The following FBXL17 variants were observed in gnomAD, a reference collection of about 807,000 sequenced individuals.
FBXL17 encodes F-box/LRR-repeat protein 17.
A neutral mutation model predicts 66.2 loss-of-function variants in FBXL17; 22 were observed. That is an observed-to-expected ratio of 0.33 (90% CI 0.24 to 0.47). FBXL17 has a LOEUF of 0.47. Ranked by LOEUF, FBXL17 falls within the 20% of genes least tolerant of loss-of-function variation. The probability of loss-of-function intolerance (pLI) is 1.00; values close to 1 mark genes in which losing one functional copy is unlikely to be tolerated. For synonymous variants in FBXL17, 474 were observed against 400.5 expected (o/e 1.18, Z -2.19); for missense variants, 878 against 948.2 (o/e 0.93, Z 0.97).
At chr5:108,023,373 T>G (rs1754670630) in intron 6 of FBXL17, among the ~76,000 whole-genome samples, 1 of 152,082 alleles carries the variant, frequency 6.6e-6, no homozygotes, top group Non-Finnish European at 1.5e-5. Context: ...GACACAAAAT[T>G]GAGTGGTTGA....
intron 4 of FBXL17, among the ~76,000 whole-genome samples, chr5:108,312,519 T>C (rs1278824580): frequency 6.6e-6 from 1 of 151,880 alleles, no homozygotes; most frequent in African/African-American, 2.4e-5. Context: ...ACTGCCCAGA[T>C]GCCAAAGTAT....
At chr5:108,001,209 C>T (rs1190869561) in intron 7 of FBXL17, among the ~76,000 whole-genome samples, 1 of 152,046 alleles carries the variant, frequency 6.6e-6, no homozygotes. Context: ...ATATGTAAAA[C>T]ACCTTCAACT....
chr5:108,063,881 T>G (rs965041277), intron 6 of FBXL17, among the ~76,000 whole-genome samples: 1 of 152,172 alleles, frequency 6.6e-6, no homozygotes, highest in Non-Finnish European at 1.5e-5. Flanking sequence ...TGAATAAAAT[T>G]TATCATCTGC....
chr5:108,048,417 GC>G (rs1747341522), intron 6 of FBXL17, among the ~76,000 whole-genome samples: 1 of 152,168 alleles, frequency 6.6e-6, no homozygotes, highest in Non-Finnish European at 1.5e-5. Context: ...TGACTGCAAT[GC>G]CTCTCCAGCA....
intron 6 of FBXL17, among the ~76,000 whole-genome samples, chr5:108,162,351 G>A (rs985992012): frequency 1.3e-5 from 2 of 151,950 alleles, no homozygotes; most frequent in South Asian, 2.1e-4. Context: ...TTAGCTAAGC[G>A]TGGTGGTGGT....
intron 4 of FBXL17, among the ~76,000 whole-genome samples, chr5:108,246,014 G>A (rs930136777): frequency 6.6e-6 from 1 of 152,170 alleles, no homozygotes; most frequent in Non-Finnish European, 1.5e-5. Flanking sequence ...TTGGACCTCA[G>A]TGCCTCACAA....
chr5:108,258,664 C>T (rs543689083), intron 4 of FBXL17, among the ~76,000 whole-genome samples: 14 of 152,086 alleles, frequency 9.2e-5, no homozygotes, highest in Non-Finnish European at 1.5e-4. Flanking sequence ...TAGGTAGATG[C>T]CCACTGGCCA....
intron 7 of FBXL17, among the ~76,000 whole-genome samples, chr5:107,989,695 GT>G (rs969570675): frequency 9.9e-5 from 15 of 151,804 alleles, no homozygotes; most frequent in African/African-American, 3.6e-4. Context: ...TCTACGTTTA[GT>G]TTTTTTTGGG....
At chr5:108,114,150 A>T (rs1423631771) in intron 6 of FBXL17, among the ~76,000 whole-genome samples, 1 of 152,318 alleles carries the variant, frequency 6.6e-6, no homozygotes, top group Admixed American at 6.5e-5. Context: ...TAATAAATAA[A>T]CAAGAAAGTA....
chr5:107,958,009 G>A (rs1006775758), intron 7 of FBXL17, among the ~76,000 whole-genome samples: 2 of 151,802 alleles, frequency 1.3e-5, no homozygotes, highest in Admixed American at 1.3e-4. Flanking sequence ...GTAATACATC[G>A]TTAATTGTTG....
chr5:108,342,618 G>A (rs1027093899), intron 4 of FBXL17, among the ~76,000 whole-genome samples: 1 of 152,162 alleles, frequency 6.6e-6, no homozygotes, highest in East Asian at 1.9e-4. Flanking sequence ...CAAAGGGCTA[G>A]AGAAGAGAAG....
intron 7 of FBXL17, among the ~76,000 whole-genome samples, chr5:108,008,589 T>C (rs999475583): frequency 3.9e-5 from 6 of 152,218 alleles, no homozygotes; most frequent in African/African-American, 1.4e-4. Context: ...AATATAAATG[T>C]GTGTAATAAT....
At chr5:107,877,523 C>A (rs72795954) in intron 8 of FBXL17, among the ~76,000 whole-genome samples, 6,804 of 152,164 alleles carry the variant, frequency 0.045, 227 homozygotes, top group Non-Finnish European at 0.061. Context: ...TAAAGTATAG[C>A]CTCCAAATTA....
chr5:107,946,541 A>C (rs1035376043), intron 7 of FBXL17, among the ~76,000 whole-genome samples: 2 of 150,920 alleles, frequency 1.3e-5, no homozygotes, highest in African/African-American at 4.9e-5. Context: ...TCCTGGCCTC[A>C]AGTGATCCTC....
At chr5:108,291,780 T>C (rs528524989) in intron 4 of FBXL17, among the ~76,000 whole-genome samples, 3 of 152,294 alleles carry the variant, frequency 2.0e-5, no homozygotes, top group South Asian at 2.1e-4. Context: ...TTAATACCTA[T>C]GTCAAGGACT....
chr5:108,141,246 G>T (rs1397276110), intron 6 of FBXL17, among the ~76,000 whole-genome samples: 2 of 152,102 alleles, frequency 1.3e-5, no homozygotes. Flanking sequence ...TTGCATTCAA[G>T]TCTCAGGTCC....
intron 4 of FBXL17, among the ~76,000 whole-genome samples, chr5:108,331,582 A>G (rs1760124713): frequency 6.6e-6 from 1 of 152,244 alleles, no homozygotes. Flanking sequence ...TAGCAATCAA[A>G]GAAATTTAGT....
intron 6 of FBXL17, among the ~76,000 whole-genome samples, chr5:108,104,743 T>C (rs1749726488): frequency 6.6e-6 from 1 of 152,252 alleles, no homozygotes; most frequent in Non-Finnish European, 1.5e-5. Flanking sequence ...TATGGGATAT[T>C]CTCATTTTGT....
At chr5:108,077,253 T>G (rs1748587814) in intron 6 of FBXL17, among the ~76,000 whole-genome samples, 1 of 152,348 alleles carries the variant, frequency 6.6e-6, no homozygotes, top group Admixed American at 6.5e-5. Context: ...TCAATCAATA[T>G]TCTTGATGCA....
Sources: gnomAD v4.1 joint callset for allele counts (sites outside exome capture counted in the v4.1 genomes callset) on GRCh38, gnomAD v4.1.1 for gene constraint, MANE v1.5 for transcripts, NCBI Gene and HGNC (gene_info 2026-07-23, HGNC 2026-07-21) for gene names.